Variants in VIPR2 observed in about 807,000 individuals in gnomAD.
The protein encoded by VIPR2 is vasoactive intestinal polypeptide receptor 2.
In VIPR2, 48 loss-of-function variants were observed where a neutral mutation model predicts 58.0. The observed-to-expected ratio is 0.83, with a 90% CI of 0.66 to 1.05. The LOEUF (loss-of-function observed/expected upper bound fraction) is 1.05, where lower values mean the gene tolerates loss of function less well. Ranked by LOEUF, VIPR2 falls within the 50% of genes least tolerant of loss-of-function variation. The probability of loss-of-function intolerance (pLI) is 0.00; values close to 1 mark genes in which losing one functional copy is unlikely to be tolerated. For missense variants in VIPR2, 534 were observed against 558.0 expected (o/e 0.96, Z 0.43); for synonymous variants, 243 against 235.2 (o/e 1.03, Z -0.30).
intron 2 of VIPR2, among the ~76,000 whole-genome samples, chr7:159,138,014 A>T (rs907929926): frequency 6.6e-6 from 1 of 152,244 alleles, no homozygotes; most frequent in Non-Finnish European, 1.5e-5. Flanking sequence ...CTGGAGCATA[A>T]CACAGTGATT....
In VIPR2 at chr7:159,127,666, A is replaced by G. The variant is rs528231864; in HGVS notation, c.151+14780T>C. On this transcript the variant is annotated intron_variant, in intron 2 of 12. Coordinates refer to ENST00000262178, the MANE Select transcript of VIPR2 (RefSeq NM_003382.5). The surrounding 1 kb of genome is among the most constrained non-coding windows in gnomAD (Gnocchi z 4.6). ...GGTCCTCGGGGCCCTCAGCTTTGGC[A>G]TGTAAACGCATGTGGGCATCAGGAA... Among the ~76,000 whole-genome samples the G allele has an allele frequency of 8.5e-5, 13 of 152,304 alleles. No individual in the cohort carries two copies. The highest frequency in any genetic ancestry group is 3.1e-4 in the African/African-American group (13 of 41,576).
intron 2 of VIPR2, among the ~76,000 whole-genome samples, chr7:159,121,051 A>T (rs1796434465): frequency 6.6e-6 from 1 of 152,188 alleles, no homozygotes; most frequent in South Asian, 2.1e-4. Flanking sequence ...CATATTAAAT[A>T]ACCTTTGGGG....
At position 159,127,455 on chromosome 7, in the gene VIPR2, C is replaced by T. The variant is rs1563350176; in HGVS notation, c.151+14991G>A. On this transcript the variant is annotated intron_variant, in intron 2 of 12. Coordinates refer to ENST00000262178, the MANE Select transcript of VIPR2 (RefSeq NM_003382.5). This position sits in a 1 kb window ranked among gnomAD's most constrained non-coding sequence, Gnocchi z 4.6. ...TTTTTCAAAGTAACGTTTATAGGTC[C>T]AGATAGAACCTATGAATTTTTAAGA... 6.6e-6 allele frequency among the ~76,000 whole-genome samples: 1 copy of T among 152,156 alleles called. No individual in the cohort carries two copies. Among genetic ancestry groups the T allele is most frequent in the African/African-American group, 2.4e-5 (1 of 41,436 alleles).
intron 4 of VIPR2, among the ~76,000 whole-genome samples, chr7:159,081,159 A>G (rs1856880895): frequency 6.6e-6 from 1 of 152,352 alleles, no homozygotes; most frequent in South Asian, 2.1e-4. Context: ...TGCATTGCCA[A>G]GTCAATCCTA....
At chr7:159,059,434 T>A in intron 4 of VIPR2, 1 of 441,278 alleles carries the variant, frequency 2.3e-6, no homozygotes, top group Non-Finnish European at 4.7e-6. Flanking sequence ...CCTAAGTCCG[T>A]ATAAGTACAA....
intron 2 of VIPR2, among the ~76,000 whole-genome samples, chr7:159,139,924 TG>T (rs1235916212): frequency 1.3e-5 from 2 of 152,230 alleles, no homozygotes; most frequent in African/African-American, 4.8e-5. Context: ...AGGCCGGGAG[TG>T]CCTCATACAC....
chr7:159,071,630 A>G (rs1856398053), intron 4 of VIPR2, among the ~76,000 whole-genome samples: 1 of 152,230 alleles, frequency 6.6e-6, no homozygotes, highest in African/African-American at 2.4e-5. Context: ...AAGACTGTTC[A>G]CAGGAGAACA....
In VIPR2 at chr7:159,128,955, G is replaced by A. The variant is rs948159657; in HGVS notation, c.151+13491C>T. On this transcript the variant is annotated intron_variant, in intron 2 of 12. Transcript: ENST00000262178. This position sits in a 1 kb window ranked among gnomAD's most constrained non-coding sequence, Gnocchi z 4.1. ...TCAAGCTCCAGGGCAAAGCCAGCCC[G>A]AGCGCCAGTGTAAATGCACCCCCTC... 2.6e-5 allele frequency among the ~76,000 whole-genome samples: 4 copies of A among 152,148 alleles called. No homozygotes were observed. The highest frequency in any genetic ancestry group is 1.9e-4 in the East Asian group (1 of 5,182).
chr7:159,033,135 T>C (rs1853693099), intron 10 of VIPR2, among the ~76,000 whole-genome samples: 1 of 152,202 alleles, frequency 6.6e-6, no homozygotes. Flanking sequence ...CTGACCTTAG[T>C]GACATTATTA....
At chr7:159,043,813 C>T (rs1024057027) in intron 5 of VIPR2, among the ~76,000 whole-genome samples, 1 of 152,198 alleles carries the variant, frequency 6.6e-6, no homozygotes, top group African/African-American at 2.4e-5. Context: ...GTTTTGCAGA[C>T]ATGCTGGAAG....
chr7:159,107,879 C>T (rs1455078473), intron 3 of VIPR2, among the ~76,000 whole-genome samples: 1 of 151,926 alleles, frequency 6.6e-6, no homozygotes. Context: ...CAGTGCCGGA[C>T]ACACGTGATG....
Position 159,130,439 on chromosome 7 carries a change from T to C in VIPR2, c.151+12007A>G, listed in dbSNP as rs144053141. ...ACATCACTATTATGGAACCTAAGATTGGCCTTTTGAGATATCTTTTCAGGG... is the reference window on the plus strand; with the variant it reads ...ACATCACTATTATGGAACCTAAGATCGGCCTTTTGAGATATCTTTTCAGGG... On this transcript the variant is annotated intron_variant, in intron 2 of 12. Transcript: ENST00000262178. 1.6e-3 allele frequency among the ~76,000 whole-genome samples: 188 copies of C among 114,224 alleles called. 2 individuals carry two copies. Among genetic ancestry groups the C allele is most frequent in the Middle Eastern group, 4.3e-3 (1 of 230 alleles). The allele number at this position is 114,224 out of a possible 152,430, so 74.9% of individuals were successfully genotyped here. A position where few individuals can be genotyped will look rare whatever the true frequency, so the allele number is the denominator to read the frequency against.
At chr7:159,137,941 C>T (rs1449132547) in intron 2 of VIPR2, among the ~76,000 whole-genome samples, 2 of 152,240 alleles carry the variant, frequency 1.3e-5, no homozygotes, top group Non-Finnish European at 2.9e-5. Context: ...TCAATATTGA[C>T]ATCAGAGGAA....
chr7:159,073,046 T>C (rs1241382068), intron 4 of VIPR2, among the ~76,000 whole-genome samples: 1 of 152,152 alleles, frequency 6.6e-6, no homozygotes, highest in Non-Finnish European at 1.5e-5. Context: ...CACAGGTGAG[T>C]TCTTTTCATC....
chr7:159,080,023 A>G (rs1389640064), intron 4 of VIPR2, among the ~76,000 whole-genome samples: 1 of 152,220 alleles, frequency 6.6e-6, no homozygotes, highest in Non-Finnish European at 1.5e-5. Flanking sequence ...TTCACAGCCA[A>G]ATTCTACCAG....
At chr7:159,137,737 G>A (rs1429453893) in intron 2 of VIPR2, among the ~76,000 whole-genome samples, 2 of 152,138 alleles carry the variant, frequency 1.3e-5, no homozygotes, top group East Asian at 1.9e-4. Context: ...TATCCAAGAC[G>A]AGGAAATGAC....
At chr7:159,142,309 C>G in intron 2 of VIPR2, 137 bp downstream of exon 2, 1 of 640,206 alleles carries the variant, frequency 1.6e-6, no homozygotes, top group South Asian at 2.1e-5. Context: ...AGTTCATTAA[C>G]AAACAATGGG....
chr7:159,033,281 C>T (rs1853702300), intron 10 of VIPR2, among the ~76,000 whole-genome samples: 1 of 152,122 alleles, frequency 6.6e-6, no homozygotes, highest in East Asian at 1.9e-4. Flanking sequence ...AAATCCATCC[C>T]TGTTTTCTAA....
At chr7:159,045,221 C>G (rs530228127) in intron 5 of VIPR2, among the ~76,000 whole-genome samples, 1 of 152,222 alleles carries the variant, frequency 6.6e-6, no homozygotes, top group African/African-American at 2.4e-5. Flanking sequence ...ATCAAGTGCA[C>G]CAGCACACGC....
Sources: allele counts gnomAD v4.1 joint callset (sites outside exome capture counted in the v4.1 genomes callset), GRCh38; gene constraint gnomAD v4.1.1; non-coding constraint Gnocchi (gnomAD v3.1); transcripts MANE v1.5; gene names NCBI Gene and HGNC (gene_info 2026-07-23, HGNC 2026-07-21).